Variants in TLK2 observed in about 807,000 individuals in gnomAD.
The protein encoded by TLK2 is tousled like kinase 2, also known as serine/threonine-protein kinase tousled-like 2.
In TLK2, 6 loss-of-function variants were observed where a neutral mutation model predicts 117.3. The ratio of observed to expected loss-of-function variants is 0.05; its 90% confidence interval spans 0.03 to 0.10. The LOEUF (loss-of-function observed/expected upper bound fraction) is 0.10. Among genes scored for constraint, TLK2 ranks in the 10% least tolerant of loss-of-function variants. The pLI, the probability that TLK2 is intolerant of heterozygous loss-of-function variation, is 1.00. For missense variants in TLK2, 299 were observed against 901.2 expected (o/e 0.33, Z 8.56); for synonymous variants, 257 against 316.7 (o/e 0.81, Z 2.00).
intron 2 of TLK2, among the ~76,000 whole-genome samples, chr17:62,503,728 CTTTTT>C (rs34498481): frequency 3.9e-5 from 5 of 126,738 alleles, no homozygotes; most frequent in Non-Finnish European, 5.0e-5. Context: ...CTAGTTATAT[CTTTTT>C]TTTTTTTTTT....
intron 2 of TLK2, among the ~76,000 whole-genome samples, chr17:62,492,206 C>T (rs1375356139): frequency 6.6e-6 from 1 of 152,066 alleles, no homozygotes; most frequent in East Asian, 1.9e-4. Context: ...ATAAAATCTG[C>T]CAAAATTATT....
intron 7 of TLK2, among the ~76,000 whole-genome samples, chr17:62,536,681 G>A (rs1490388929): frequency 5.3e-5 from 8 of 151,926 alleles, no homozygotes; most frequent in Non-Finnish European, 5.9e-5. Flanking sequence ...TAGAGTCTCC[G>A]AGTTCCAGCC....
intron 17 of TLK2, among the ~76,000 whole-genome samples, chr17:62,598,765 C>T (rs1045303899): frequency 1.6e-4 from 24 of 151,776 alleles, no homozygotes; most frequent in Non-Finnish European, 2.8e-4. Context: ...CCTTGTGATC[C>T]GCCCGCCTGG....
chr17:62,593,400 A>G (rs1032180840), intron 16 of TLK2, among the ~76,000 whole-genome samples: 5 of 152,214 alleles, frequency 3.3e-5, no homozygotes, highest in Admixed American at 6.5e-5. Flanking sequence ...TTTGCTGTAG[A>G]AACTGCCTTT....
At chr17:62,548,354 T>C (rs1374779546) in intron 7 of TLK2, among the ~76,000 whole-genome samples, 1 of 151,654 alleles carries the variant, frequency 6.6e-6, no homozygotes, top group East Asian at 1.9e-4. Flanking sequence ...CGATCTCGAC[T>C]CACTGCATCC....
chr17:62,535,420 T>G (rs2077044103), intron 6 of TLK2, among the ~76,000 whole-genome samples: 1 of 152,162 alleles, frequency 6.6e-6, no homozygotes, highest in Non-Finnish European at 1.5e-5. Context: ...TTTTTGCATC[T>G]AAATATAGTA....
chr17:62,537,413 A>T (rs1200863111), intron 7 of TLK2, among the ~76,000 whole-genome samples: 1 of 152,238 alleles, frequency 6.6e-6, no homozygotes, highest in African/African-American at 2.4e-5. Flanking sequence ...GATAGTGTTA[A>T]TTAGACACTG....
At chr17:62,535,070 A>G (rs1488675498) in intron 6 of TLK2, among the ~76,000 whole-genome samples, 1 of 151,508 alleles carries the variant, frequency 6.6e-6, no homozygotes, top group African/African-American at 2.4e-5. Flanking sequence ...TGTATTTTTA[A>G]TAGAGATGGG....
At chr17:62,471,209 G>A (rs2070934229) in intron 1 of TLK2, 1 of 152,200 alleles carries the variant, frequency 6.6e-6, no homozygotes, top group African/African-American at 2.4e-5. Context: ...CTGCCTGGCT[G>A]TGCAGTCTTC....
intron 15 of TLK2, among the ~76,000 whole-genome samples, chr17:62,584,380 G>T (rs1273037081): frequency 6.6e-6 from 1 of 152,012 alleles, no homozygotes; most frequent in African/African-American, 2.4e-5. Context: ...CTCCCAAAGT[G>T]CTGAGATTAC....
chr17:62,593,272 G>A (rs1598818180), intron 16 of TLK2, among the ~76,000 whole-genome samples: 1 of 152,204 alleles, frequency 6.6e-6, no homozygotes, highest in Admixed American at 6.5e-5. Flanking sequence ...GTGAGTCAGA[G>A]TCTAGGATAC....
chr17:62,579,884 A>G (rs908398854), intron 14 of TLK2, among the ~76,000 whole-genome samples: 1 of 152,344 alleles, frequency 6.6e-6, no homozygotes. Context: ...CACTGAGACC[A>G]GCACCCAAGT....
chr17:62,556,638 A>T (rs1308560370), intron 9 of TLK2, among the ~76,000 whole-genome samples: 2 of 152,200 alleles, frequency 1.3e-5, no homozygotes, highest in Non-Finnish European at 2.9e-5. Flanking sequence ...GAGGTTCATG[A>T]CCAAAGCAGC....
intron 7 of TLK2, among the ~76,000 whole-genome samples, chr17:62,539,754 G>A (rs1038496649): frequency 6.6e-6 from 1 of 151,842 alleles, no homozygotes; most frequent in Non-Finnish European, 1.5e-5. Flanking sequence ...CTCCCGCCTC[G>A]GCCTCCCCAA....
chr17:62,489,174 C>CGT (rs59470331), intron 2 of TLK2, among the ~76,000 whole-genome samples: 19,004 of 140,438 alleles, frequency 0.14, 1,861 homozygotes, highest in African/African-American at 0.27. Flanking sequence ...TTTAATTGTA[C>CGT]GTGTGTGTGT....
rs375624923 is a variant in TLK2, at chr17:62,586,109, C to T, written c.1369-26C>T. ...CCTGTAATTTTTCTTAACATTTACC[C>T]AGTATATAATTTATTCTCTTTATAG... On this transcript the variant is annotated intron_variant, in intron 15 of 21. Transcript: ENST00000346027. 311 of 1,551,082 alleles carry T rather than the reference C, an allele frequency of 2.0e-4. 1 individual carries two copies. In the African/African-American group the frequency reaches 3.7e-3, roughly 18 times the overall value.
intron 8 of TLK2, among the ~76,000 whole-genome samples, chr17:62,553,037 G>C (rs1169254665): frequency 6.6e-6 from 1 of 152,162 alleles, no homozygotes; most frequent in Non-Finnish European, 1.5e-5. Flanking sequence ...ATCTGCAAAG[G>C]ATGGTGGCTA....
chr17:62,482,680 G>A (rs1162339616), intron 2 of TLK2, among the ~76,000 whole-genome samples: 2 of 152,080 alleles, frequency 1.3e-5, no homozygotes, highest in Non-Finnish European at 2.9e-5. Flanking sequence ...TCGAACTCCT[G>A]ACCTCCAGTG....
At chr17:62,539,144 A>G (rs1456590088) in intron 7 of TLK2, among the ~76,000 whole-genome samples, 1 of 152,286 alleles carries the variant, frequency 6.6e-6, no homozygotes, top group East Asian at 1.9e-4. Flanking sequence ...AATGTATCTC[A>G]ATGTTAAGTT....
Sources: allele counts gnomAD v4.1 joint callset (sites outside exome capture counted in the v4.1 genomes callset), GRCh38; gene constraint gnomAD v4.1.1; transcripts MANE v1.5; gene names NCBI Gene and HGNC (gene_info 2026-07-23, HGNC 2026-07-21).